DHX38: variants seen among roughly 807,000 people sequenced by gnomAD.
DHX38 encodes the protein pre-mRNA-splicing factor ATP-dependent RNA helicase PRP16.
Under a neutral mutation model 153.1 loss-of-function variants are expected in DHX38, and 100 were observed. That is an observed-to-expected ratio of 0.65 (90% confidence interval 0.56 to 0.77). DHX38 has a LOEUF of 0.77. DHX38 is among the 30% of genes least tolerant of loss of function. DHX38 has a pLI of 0.00. For missense variants in DHX38, 1,440 were observed against 1,654.0 expected, an observed-to-expected ratio of 0.87 and a Z score of 2.24; for synonymous variants, 650 against 631.7, an observed-to-expected ratio of 1.03 and a Z score of -0.43.
In DHX38 at chr16:72,104,273, G is replaced by T; in HGVS notation, c.2010+142G>T. On this transcript the variant is annotated intron_variant, in intron 14 of 26. Transcript: ENST00000268482. This position sits in a 1 kb window ranked among gnomAD's most constrained non-coding sequence, Gnocchi z 4.5. ...AGGCCTCTGGTTGCAGTTCAGACTCGGGTTGTAGTTCATGCTGTTCTTGCT... is the reference window on the plus strand; with the variant it reads ...AGGCCTCTGGTTGCAGTTCAGACTCTGGTTGTAGTTCATGCTGTTCTTGCT... The T allele has an allele frequency of 8.1e-7, 1 of 1,236,546 alleles. No homozygotes were observed. The allele number at this position is 1,236,546 out of a possible 1,614,324, so 76.6% of individuals were successfully genotyped here.
chr16:72,101,162 G>C lies in DHX38; in HGVS notation c.1355G>C (p.Arg452Pro). The change falls in exon 10 of 27, where the codon CGG becomes CCG. Residue 452 changes from arginine to proline, a missense_variant. Physicochemically the swap from Arg to Pro is moderately radical, Grantham distance 103 (BLOSUM62 -2). Coordinates refer to ENST00000268482, the MANE Select transcript of DHX38 (RefSeq NM_014003.4). ...GCTCGGAAAGGCAGCCAGACAGTGC[G>C]GAAGCACAGGGAGCAGAAGGAGCGC... ...IIARKGSQTV[R>P]KHREQKERKK... 2 of 1,614,264 alleles carry C rather than the reference G, an allele frequency of 1.2e-6. No homozygotes were observed. Among genetic ancestry groups the C allele is most frequent in the Non-Finnish European group, 1.7e-6 (2 of 1,180,052 alleles).
In DHX38 at chr16:72,111,094, G is replaced by T; in HGVS notation, c.3599+17G>T. The T allele has an allele frequency of 6.5e-7, 1 of 1,546,588 alleles. No individual in the cohort carries two copies. Among genetic ancestry groups the T allele is most frequent in the South Asian group, 1.2e-5 (1 of 83,318 alleles). ...CAGTGTCAGGTGAGCTCCGGCCTTC[G>T]GGCTCTGGCTGGGGTGGCACCCATC... On this transcript the variant is annotated intron_variant, in intron 26 of 26. Transcript: ENST00000268482.
At position 72,112,474 on chromosome 16, in the gene DHX38, ACGCCAGCC is replaced by A. The variant is rs2042270060; in HGVS notation, c.3665_3672del (p.Pro1222LeufsTer6). 6.2e-7 allele frequency: 1 copy of A among 1,612,122 alleles called. No homozygotes were observed. Among genetic ancestry groups the A allele is most frequent in the African/African-American group, 1.3e-5 (1 of 74,936 alleles). On this transcript the variant is annotated frameshift_variant, in exon 27 of 27. Transcript: ENST00000268482. LOFTEE classifies it high-confidence loss of function. ...AGGGGAGCCCATGACCCCTCGCCGC[ACGCCAGCC>A]CGCTTTGGTCTGTGAGCTGAGGCTG...
Position 72,099,256 on chromosome 16 carries a change from G to A in DHX38, c.936G>A (p.Arg312=). The change falls in exon 7 of 27, where the codon CGG becomes CGA. Residue 312 remains arginine, a synonymous_variant. Transcript: ENST00000268482. ...EGISFDTEEE[R]QQWEDDQRQA... is the part of the protein sequence containing the mutation. ...TTTCATTTGACACGGAGGAGGAGCG[G>A]CAGCAGTGGGAAGATGACCAGAGGG... is the stretch of plus-strand genomic sequence containing the variant. 6.2e-7 allele frequency: 1 copy of A among 1,612,532 alleles called. No individual in the cohort carries two copies. Among genetic ancestry groups the A allele is most frequent in the Non-Finnish European group, 8.5e-7 (1 of 1,179,504 alleles).
At position 72,097,773 on chromosome 16, in the gene DHX38, G is replaced by A. The variant is rs963971164; in HGVS notation, c.608G>A (p.Arg203Gln). 2 of 1,613,358 alleles carry A rather than the reference G, an allele frequency of 1.2e-6. No homozygotes were observed. Among genetic ancestry groups the A allele is most frequent in the South Asian group, 1.1e-5 (1 of 90,910 alleles). Residue 203 changes from arginine (R) to glutamine (Q), a missense_variant, in exon 4 of 27, where the codon CGA (arginine) becomes CAA (glutamine). Arg to Gln is a conservative substitution (Grantham distance 43). Around this residue, in one of 6 missense-constraint regions of DHX38, gnomAD observed 483 missense variants for 465.1 expected, o/e 1.04. Coordinates refer to ENST00000268482, the MANE Select transcript of DHX38 (RefSeq NM_014003.4). ...AATGAACCCGAGAGCCCACGACATC[G>A]ACCTAAAGGTAGACTCACTGTTTTG... ...RRNEPESPRH[R>Q]PKDAATPSRS...
rs761603036 is a variant in DHX38 at position 72,099,904 on chromosome 16, A to G, written c.1116+17A>G. On this transcript the variant is annotated intron_variant, in intron 8 of 26. Transcript: ENST00000268482. ...ATCAATGAGGTGAGGCTGCCTGCAG[A>G]AGTTGGAGCAGATTCAGAGCTGGAG... 6.3e-7 allele frequency: 1 copy of G among 1,588,302 alleles called. No homozygotes were observed. The highest frequency in any genetic ancestry group is 1.1e-5 in the South Asian group (1 of 87,602).
At chr16:72,102,014 C>T (rs1314901066) in intron 11 of DHX38, among the ~76,000 whole-genome samples, 1 of 152,172 alleles carries the variant, frequency 6.6e-6, no homozygotes, top group Non-Finnish European at 1.5e-5. Context: ...TTTGAGTTCA[C>T]TATAAGAACT....
rs1377942042 is a variant in DHX38 at position 72,099,623 on chromosome 16, C to T, written c.961-109C>T. The T allele has an allele frequency of 6.2e-6, 9 of 1,442,228 alleles. No homozygotes were observed. In the African/African-American group the frequency reaches 1.3e-4, roughly 20 times the overall value. The allele number at this position is 1,442,228 out of a possible 1,614,324, so 89.3% of individuals were successfully genotyped here. On this transcript the variant is annotated intron_variant, in intron 7 of 26. Transcript: ENST00000268482. The stretch of plus-strand genomic sequence containing the variant: ...TCTCCTGCACCCCTCACAAGGGTAG[C>T]TCCACTGCAGTAGTGACTTCCTACC...
chr16:72,109,470 C>T lies in DHX38; in HGVS notation c.3437C>T (p.Pro1146Leu). 1 of 1,612,848 alleles carries T rather than the reference C, an allele frequency of 6.2e-7. No individual in the cohort carries two copies. The highest frequency in any genetic ancestry group is 8.5e-7 in the Non-Finnish European group (1 of 1,179,606). ...GGGGAGTGGCTGGCGGAGCTGGGCC[C>T]CATGTTCTATAGCGTGAAACAGGCG... ...VDGEWLAELG[P>L]MFYSVKQAGK... Residue 1146 changes from proline (P) to leucine (L), a missense_variant, in exon 25 of 27, where the codon CCC becomes CTC. Physicochemically the swap from Pro to Leu is moderately conservative, Grantham distance 98 (BLOSUM62 -3). This residue lies in a region of DHX38 where 543 missense variants were observed against 717.9 expected (regional missense o/e 0.76). Transcript: ENST00000268482.
At position 72,111,137 on chromosome 16, in the gene DHX38, A is replaced by T; in HGVS notation, c.3599+60A>T. On this transcript the variant is annotated intron_variant, in intron 26 of 26. Transcript: ENST00000268482. The stretch of plus-strand genomic sequence containing the variant: ...CACCCATCCCAGGAGGCTGCCAGAG[A>T]CCAGGCCCTGATGCAGGGTCAGGAT... 3 of 1,490,900 alleles carry T rather than the reference A, an allele frequency of 2.0e-6. No individual in the cohort carries two copies. The South Asian group carries it at 4.0e-5, about 20-fold the overall frequency. The allele number at this position is 1,490,900 out of a possible 1,614,324, so 92.4% of individuals were successfully genotyped here.
At position 72,099,726 on chromosome 16, in the gene DHX38, C is replaced by T. The variant is rs774998697; in HGVS notation, c.961-6C>T. 1.2e-6 allele frequency: 2 copies of T among 1,614,008 alleles called. No homozygotes were observed. Among genetic ancestry groups the T allele is most frequent in the East Asian group, 4.5e-5 (2 of 44,880 alleles). On this transcript the variant is annotated splice_polypyrimidine_tract_variant and splice_region_variant and intron_variant, in intron 7 of 26. Transcript: ENST00000268482. The stretch of plus-strand genomic sequence containing the variant: ...TCACTCCCTTGCTTTGCCTCCTGCC[C>T]TGCAGCAAGCCGATCGGGATTGGTA...
rs551232400 is a variant in DHX38, at chr16:72,096,132, C to T, written c.-19-7C>T. 7.6e-5 allele frequency: 120 copies of T among 1,577,122 alleles called. No individual in the cohort carries two copies. The highest frequency in any genetic ancestry group is 1.0e-4 in the Non-Finnish European group (118 of 1,156,912). On this transcript the variant is annotated splice_region_variant and splice_polypyrimidine_tract_variant and intron_variant, in intron 1 of 26. Transcript: ENST00000268482. ...CTCTAGTACCAAATGGTTTGCCTTCCTTCCAGAGAAATCCCAGATCCTGTG... is the reference window on the plus strand; with the variant it reads ...CTCTAGTACCAAATGGTTTGCCTTCTTTCCAGAGAAATCCCAGATCCTGTG...
rs753918448 is a variant in DHX38 at position 72,097,772 on chromosome 16, C to T, written c.607C>T (p.Arg203Ter). 2.5e-6 allele frequency: 4 copies of T among 1,613,476 alleles called. No homozygotes were observed. The highest frequency in any genetic ancestry group is 2.2e-5 in the East Asian group (1 of 44,866). The change falls in exon 4 of 27, where the codon CGA becomes TGA. Residue 203 changes from arginine (R) to a stop codon, truncating the protein, a stop_gained. Transcript: ENST00000268482. LOFTEE classifies it high-confidence loss of function. ...AAATGAACCCGAGAGCCCACGACAT[C>T]GACCTAAAGGTAGACTCACTGTTTT... The part of the protein sequence containing the change: ...RRNEPESPRH[R>*]PKDAATPSRS...
chr16:72,096,521 G>A (rs758790936), intron 2 of DHX38, 41 bp downstream of exon 2: 7 of 1,536,580 alleles, frequency 4.6e-6, no homozygotes, highest in Admixed American at 4.2e-5. Flanking sequence ...GGAAGCGAAC[G>A]GAGGCTGGAA....
chr16:72,107,525 T>A lies in DHX38; in HGVS notation c.2786T>A (p.Ile929Asn). 6.2e-7 allele frequency: 1 copy of A among 1,613,982 alleles called. No homozygotes were observed. The highest frequency in any genetic ancestry group is 8.5e-7 in the Non-Finnish European group (1 of 1,179,910). The part of the protein sequence containing the change: ...NMLNSMYQLW[I>N]LGALDNTGGL... Reference sequence around the variant, plus strand: ...CTCAACTCTATGTATCAGCTCTGGATCCTCGGGGCCCTGGACAACACAGGT... The same window carrying A: ...CTCAACTCTATGTATCAGCTCTGGAACCTCGGGGCCCTGGACAACACAGGT... Residue 929 changes from isoleucine to asparagine, a missense_variant, in exon 20 of 27, where the codon ATC (isoleucine) becomes AAC (asparagine). Transcript: ENST00000268482. The surrounding 1 kb of genome is among the most constrained non-coding windows in gnomAD (Gnocchi z 5.3).
Position 72,100,934 on chromosome 16 carries a change from A to C in DHX38, c.1279-152A>C, listed in dbSNP as rs183185694. 102 of 804,886 alleles carry C rather than the reference A, an allele frequency of 1.3e-4. 1 individual carries two copies. The highest frequency in any genetic ancestry group is 4.7e-5 in the Non-Finnish European group (23 of 487,352). The allele number at this position is 804,886 out of a possible 1,614,324, so 49.9% of individuals were successfully genotyped here. On this transcript the variant is annotated intron_variant, in intron 9 of 26. Coordinates refer to ENST00000268482, the MANE Select transcript of DHX38 (RefSeq NM_014003.4). ...AGAGCAAGACTCTGTCTCACACACA[A>C]AAAAGGCCTGATGTGGAGACAGAAA... is the stretch of plus-strand genomic sequence containing the variant.
At position 72,096,219 on chromosome 16, in the gene DHX38, A is replaced by C. The variant is rs2042015777; in HGVS notation, c.62A>C (p.Gln21Pro). The part of the protein sequence containing the change: ...HRLEGTDLDC[Q>P]VGGLICKSKS... ...TTGGAAGGCACTGATCTGGACTGTC[A>C]GGTTGGTGGTCTTATTTGCAAGTCC... Residue 21 changes from glutamine (Q) to proline (P), a missense_variant, in exon 2 of 27, where the codon CAG (glutamine) becomes CCG (proline). Coordinates refer to ENST00000268482, the MANE Select transcript of DHX38 (RefSeq NM_014003.4). 1.9e-6 allele frequency: 3 copies of C among 1,613,964 alleles called. No homozygotes were observed. Among genetic ancestry groups the C allele is most frequent in the South Asian group, 1.1e-5 (1 of 91,080 alleles).
intron 25 of DHX38, chr16:72,109,786 G>A (rs528700977): frequency 5.9e-5 from 16 of 273,198 alleles, no homozygotes; most frequent in Middle Eastern, 1.0e-3. Context: ...CCATGAATTC[G>A]TTGCCTTGCC....
At position 72,103,668 on chromosome 16, in the gene DHX38, C is replaced by A. The variant is rs762775948; in HGVS notation, c.1704C>A (p.Tyr568Ter). The A allele has an allele frequency of 2.5e-6, 4 of 1,614,072 alleles. No individual in the cohort carries two copies. In the South Asian group the frequency reaches 4.4e-5, roughly 18 times the overall value. The change falls in exon 13 of 27, where the codon TAC (tyrosine) becomes TAA (stop). Residue 568 changes from tyrosine (Y) to a stop codon, truncating the protein, a stop_gained. Transcript: ENST00000268482. LOFTEE classifies it high-confidence loss of function. ...GSGKTTQLTQ[Y>*]LHEDGYTDYG... is the part of the protein sequence containing the mutation. ...GTAAGACCACTCAGCTGACGCAGTACCTGCATGAAGATGGTTACACGGACT... is the reference window on the plus strand; with the variant it reads ...GTAAGACCACTCAGCTGACGCAGTAACTGCATGAAGATGGTTACACGGACT...
Sources: allele counts gnomAD v4.1 joint callset (sites outside exome capture counted in the v4.1 genomes callset), GRCh38; gene constraint gnomAD v4.1.1; regional missense constraint gnomAD v4.1.1; non-coding constraint Gnocchi (gnomAD v3.1); transcripts MANE v1.5; gene names NCBI Gene and HGNC (gene_info 2026-07-23, HGNC 2026-07-21).